Variants in SKAP2 observed in about 807,000 individuals in gnomAD.
SKAP2 encodes the protein src kinase associated phosphoprotein 2, also known as src kinase-associated phosphoprotein 2.
In SKAP2, 28 loss-of-function variants were observed where a neutral mutation model predicts 54.9. The observed-to-expected ratio is 0.51, with a 90% CI of 0.38 to 0.70. The LOEUF is 0.70. SKAP2 is among the 30% of genes least tolerant of loss of function. SKAP2 has a pLI of 0.00. For missense variants in SKAP2, 356 were observed against 424.1 expected (o/e 0.84, Z 1.41); for synonymous variants, 137 against 134.3 (o/e 1.02, Z -0.14).
chr7:26,864,359 T>C lies in SKAP2; in HGVS notation c.67+4A>G, dbSNP rs1443213148. 1 of 1,613,782 alleles carries C rather than the reference T, an allele frequency of 6.2e-7. No individual in the cohort carries two copies. The highest frequency in any genetic ancestry group is 1.3e-5 in the African/African-American group (1 of 74,988). On this transcript the variant is annotated splice_donor_region_variant and intron_variant, in intron 1 of 12. Transcript: ENST00000345317. ...AGCATTATCGCCGCCTTCCCGCTCT[T>C]TACCTGCCAACAGGTTCCTAATTTC...
intron 4 of SKAP2, among the ~76,000 whole-genome samples, chr7:26,835,760 T>C (rs1215274485): frequency 1.3e-5 from 2 of 152,090 alleles, no homozygotes; most frequent in African/African-American, 2.4e-5. Flanking sequence ...AAAATGGCCA[T>C]ACTACCCAAA....
At chr7:26,820,963 T>C (rs1484951884) in intron 4 of SKAP2, among the ~76,000 whole-genome samples, 1 of 152,150 alleles carries the variant, frequency 6.6e-6, no homozygotes, top group Non-Finnish European at 1.5e-5. Flanking sequence ...ATCCCTAATT[T>C]TACAAATTAA....
intron 4 of SKAP2, among the ~76,000 whole-genome samples, chr7:26,770,587 G>A (rs559312233): frequency 1.1e-3 from 169 of 152,282 alleles, no homozygotes; most frequent in African/African-American, 4.0e-3. Context: ...TGGTGGCATA[G>A]GCACCCAAGG....
chr7:26,661,554 T>C, the SKAP2 span, among the ~76,000 whole-genome samples: 1 of 152,186 alleles, frequency 6.6e-6, no homozygotes, highest in Non-Finnish European at 1.5e-5. Flanking sequence ...AGAAACTTTA[T>C]AGACAGAAGT....
intron 3 of SKAP2, 24 bp downstream of exon 3, chr7:26,854,113 A>C: frequency 6.5e-7 from 1 of 1,548,874 alleles, no homozygotes; most frequent in Non-Finnish European, 8.8e-7. Context: ...AAAATTTTCA[A>C]GTTTGCCAAA....
intron 4 of SKAP2, among the ~76,000 whole-genome samples, chr7:26,789,136 T>C (rs560497006): frequency 6.6e-6 from 1 of 152,322 alleles, no homozygotes; most frequent in Admixed American, 6.5e-5. Context: ...ATTTGGAAAG[T>C]AGGAAAACAT....
intron 4 of SKAP2, among the ~76,000 whole-genome samples, chr7:26,826,011 A>G (rs1008645410): frequency 1.1e-4 from 17 of 151,958 alleles, no homozygotes; most frequent in African/African-American, 4.1e-4. Flanking sequence ...TTTCCTTTGG[A>G]GAATGGTACC....
chr7:26,673,015 G>A (rs1156815013), intron 11 of SKAP2, among the ~76,000 whole-genome samples: 2 of 151,982 alleles, frequency 1.3e-5, no homozygotes, highest in African/African-American at 4.8e-5. Flanking sequence ...TAATGCAACT[G>A]ATACAATGTT....
At position 26,726,903 on chromosome 7, in the gene SKAP2, A is replaced by G; in HGVS notation, c.573T>C (p.Ala191=). The change falls in exon 7 of 13, where the codon GCT becomes GCC. Residue 191 remains alanine (A), a synonymous_variant. Transcript: ENST00000345317. ...CAACCTGATATATACGTTTATCAGG[A>G]GCAGAGATTTCAAAACAGCAATCTT... is the stretch of plus-strand genomic sequence containing the variant. ...GKKDCCFEIS[A]PDKRIYQFTA... 2 of 1,610,280 alleles carry G rather than the reference A, an allele frequency of 1.2e-6. No homozygotes were observed. Among genetic ancestry groups the G allele is most frequent in the South Asian group, 1.1e-5 (1 of 90,626 alleles).
chr7:26,827,049 T>C (rs1161850086), intron 4 of SKAP2, among the ~76,000 whole-genome samples: 2 of 152,192 alleles, frequency 1.3e-5, no homozygotes, highest in Non-Finnish European at 2.9e-5. Flanking sequence ...AAGAAATATA[T>C]GTGTATTTCT....
At chr7:26,788,272 T>C (rs1230315880) in intron 4 of SKAP2, among the ~76,000 whole-genome samples, 1 of 152,184 alleles carries the variant, frequency 6.6e-6, no homozygotes, top group Non-Finnish European at 1.5e-5. Flanking sequence ...AGTAGATAAT[T>C]AGAAGCAAGT....
chr7:26,688,080 T>A (rs998345359), intron 10 of SKAP2, among the ~76,000 whole-genome samples: 2 of 152,096 alleles, frequency 1.3e-5, no homozygotes, highest in Admixed American at 6.6e-5. Context: ...GAAGAGATCA[T>A]TGGGCAAAGC....
intron 4 of SKAP2, among the ~76,000 whole-genome samples, chr7:26,829,641 T>A (rs1212169429): frequency 1.3e-5 from 2 of 152,072 alleles, no homozygotes; most frequent in Non-Finnish European, 2.9e-5. Context: ...AAATGGCCAA[T>A]AAGCACATAA....
chr7:26,810,355 G>A (rs1238386976), intron 4 of SKAP2, among the ~76,000 whole-genome samples: 1 of 151,816 alleles, frequency 6.6e-6, no homozygotes, highest in Non-Finnish European at 1.5e-5. Context: ...AAGAAAACAA[G>A]AAAAACAAAA....
chr7:26,752,006 G>A (rs1782696338), intron 4 of SKAP2, among the ~76,000 whole-genome samples: 1 of 152,074 alleles, frequency 6.6e-6, no homozygotes, highest in Non-Finnish European at 1.5e-5. Context: ...GGGGTGAAAG[G>A]TATATGGGAA....
At chr7:26,667,032 A>G (rs995127373), downstream of SKAP2, 2 of 152,204 alleles carry the variant, frequency 1.3e-5, no homozygotes, top group African/African-American at 4.8e-5. Context: ...TTCATTAGTA[A>G]CACAGCAGGC....
chr7:26,724,451 T>C (rs538549490), intron 9 of SKAP2, among the ~76,000 whole-genome samples: 1 of 152,180 alleles, frequency 6.6e-6, no homozygotes, highest in African/African-American at 2.4e-5. Context: ...TCTTCTAAAG[T>C]CCATACTCTT....
chr7:26,814,963 A>G (rs957309068), intron 4 of SKAP2, among the ~76,000 whole-genome samples: 3 of 152,160 alleles, frequency 2.0e-5, no homozygotes, highest in Non-Finnish European at 2.9e-5. Flanking sequence ...TGAAAAATAG[A>G]AATGTGCTTA....
At chr7:26,857,683 A>T in intron 1 of SKAP2, 1 of 985,468 alleles carries the variant, frequency 1.0e-6, no homozygotes, top group Non-Finnish European at 1.2e-6. Context: ...AGCAGTGAGC[A>T]TGGAGAGCCG....
Sources: allele counts gnomAD v4.1 joint callset (sites outside exome capture counted in the v4.1 genomes callset), GRCh38; gene constraint gnomAD v4.1.1; transcripts MANE v1.5; gene names NCBI Gene and HGNC (gene_info 2026-07-23, HGNC 2026-07-21).